CLEC16A: variants seen among roughly 807,000 people sequenced by gnomAD.
CLEC16A encodes the protein protein CLEC16A.
A neutral mutation model predicts 109.5 loss-of-function variants in CLEC16A; 51 were observed. The observed-to-expected ratio is 0.47, with a 90% confidence interval of 0.37 to 0.59. The LOEUF is 0.59. Among genes scored for constraint, CLEC16A ranks in the 20% least tolerant of loss-of-function variants. The probability of loss-of-function intolerance (pLI) is 0.00; values close to 1 mark genes in which losing one functional copy is unlikely to be tolerated. For missense variants in CLEC16A, 1,339 were observed against 1,394.0 expected (o/e 0.96, Z 0.63); for synonymous variants, 673 against 564.2 (o/e 1.19, Z -2.73).
chr16:11,140,577 A>G (rs2053777773), intron 22 of CLEC16A, among the ~76,000 whole-genome samples: 1 of 152,152 alleles, frequency 6.6e-6, no homozygotes, highest in South Asian at 2.1e-4. Context: ...CAAAGAACAA[A>G]TGCAGAATCT....
rs889743892 is a variant in CLEC16A, at chr16:10,954,778, C to T, written c.81-3004C>T. Among the ~76,000 whole-genome samples, 5 of 152,310 alleles carry T rather than the reference C, an allele frequency of 3.3e-5. No individual in the cohort carries two copies. In the South Asian group the frequency reaches 6.2e-4, roughly 19 times the overall value. On this transcript the variant is annotated intron_variant, in intron 1 of 23. Coordinates refer to ENST00000409790, the MANE Select transcript of CLEC16A (RefSeq NM_015226.3). The surrounding 1 kb of genome is among the most constrained non-coding windows in gnomAD (Gnocchi z 4.2). The stretch of plus-strand genomic sequence containing the variant: ...CTTTCTCTACTTCCTGCTCTGGTTT[C>T]GCTGAACCTTCCCATCACGACTCCT...
At chr16:11,008,885 G>A (rs1000785577) in intron 11 of CLEC16A, among the ~76,000 whole-genome samples, 3 of 150,646 alleles carry the variant, frequency 2.0e-5, no homozygotes, top group Non-Finnish European at 4.4e-5. Flanking sequence ...TGTAGTCCCA[G>A]CTACTCGGGA....
At chr16:11,012,518 C>G (rs1410341784) in intron 11 of CLEC16A, among the ~76,000 whole-genome samples, 2 of 145,334 alleles carry the variant, frequency 1.4e-5, no homozygotes, top group African/African-American at 5.2e-5. Flanking sequence ...TGGCGTGAAC[C>G]CGGGAGGCGG....
chr16:11,126,481 C>T, intron 22 of CLEC16A: 4 of 1,084,396 alleles, frequency 3.7e-6, no homozygotes, highest in Non-Finnish European at 5.1e-6. Flanking sequence ...TTTCCTTCTC[C>T]ATGTAAGATG....
Position 10,944,583 on chromosome 16 carries a change from G to T in CLEC16A, c.-135G>T. 1.2e-6 allele frequency: 1 copy of T among 838,468 alleles called. No homozygotes were observed. The highest frequency in any genetic ancestry group is 1.7e-5 in the South Asian group (1 of 59,962). 51.9% of individuals were successfully genotyped at this position (838,468 alleles called of 1,614,324 possible). ...AATGTCAGTGCTGGGCTGTGGGCCG[G>T]GGAGGAAGGCGGCTCGCGGTTCCTC... is the stretch of plus-strand genomic sequence containing the variant. On this transcript the variant is annotated 5_prime_UTR_variant, in exon 1 of 24. Transcript: ENST00000409790.
chr16:10,974,668 C>G (rs2042955061), intron 7 of CLEC16A, among the ~76,000 whole-genome samples: 1 of 152,192 alleles, frequency 6.6e-6, no homozygotes, highest in African/African-American at 2.4e-5. Context: ...AGAGGTGCAC[C>G]TAGATGGGGT....
chr16:11,103,019 C>T (rs1410405250), intron 19 of CLEC16A, among the ~76,000 whole-genome samples: 2 of 152,208 alleles, frequency 1.3e-5, no homozygotes, highest in African/African-American at 2.4e-5. Context: ...GCTGAACTGT[C>T]CCTGGAGGCT....
rs539023442 is a variant in CLEC16A, at chr16:11,090,436, T to C, written c.2116+29414T>C. ...ACCATGGACAACCCAGCTGGAGTTC[T>C]TCCATACCAGATGTCCTCAGGCAGC... is the stretch of plus-strand genomic sequence containing the variant. On this transcript the variant is annotated intron_variant, in intron 19 of 23. Transcript: ENST00000409790. Among the ~76,000 whole-genome samples, 54 of 152,298 alleles carry C rather than the reference T, an allele frequency of 3.5e-4. No homozygotes were observed. In the Middle Eastern group the frequency reaches 0.01, roughly 29 times the overall value.
intron 11 of CLEC16A, among the ~76,000 whole-genome samples, chr16:11,008,621 T>C (rs2045193008): frequency 1.3e-5 from 2 of 152,000 alleles, no homozygotes; most frequent in African/African-American, 2.4e-5. Flanking sequence ...TTTTTTTCCT[T>C]TTTTTAAACT....
At chr16:10,948,109 G>A (rs914603448) in intron 1 of CLEC16A, among the ~76,000 whole-genome samples, 23 of 152,214 alleles carry the variant, frequency 1.5e-4, no homozygotes, top group Admixed American at 4.6e-4. Flanking sequence ...TAGCCAGGAT[G>A]GTCTCGATCT....
intron 1 of CLEC16A, among the ~76,000 whole-genome samples, chr16:10,948,045 C>T (rs368184936): frequency 1.4e-4 from 21 of 152,068 alleles, no homozygotes; most frequent in Non-Finnish European, 2.1e-4. Context: ...AGGCGCCCGC[C>T]ACCACGCCCA....
intron 17 of CLEC16A, 197 bp downstream of exon 17, chr16:11,047,539 A>C: frequency 2.4e-6 from 1 of 420,420 alleles, no homozygotes; most frequent in Non-Finnish European, 4.2e-6. Flanking sequence ...TCTCCCTCTA[A>C]CATGGGAGGT....
At chr16:11,048,635 CT>C in intron 17 of CLEC16A, 1 of 152,324 alleles carries the variant, frequency 6.6e-6, no homozygotes, top group Non-Finnish European at 1.5e-5. Context: ...GCCGTGGAGC[CT>C]TTTCAGGGGA....
At chr16:11,051,843 C>T (rs1405740644) in intron 18 of CLEC16A, among the ~76,000 whole-genome samples, 2 of 152,216 alleles carry the variant, frequency 1.3e-5, no homozygotes, top group Non-Finnish European at 2.9e-5. Context: ...TTTGGCATTC[C>T]GTTGCATCTG....
intron 22 of CLEC16A, chr16:11,126,427 T>C (rs903356282): frequency 3.4e-5 from 47 of 1,397,468 alleles, no homozygotes; most frequent in Admixed American, 5.7e-5. Flanking sequence ...TGGAAATTTC[T>C]TGGAAACATT....
intron 12 of CLEC16A, among the ~76,000 whole-genome samples, chr16:11,021,477 C>A (rs1597082369): frequency 1.3e-5 from 2 of 152,286 alleles, no homozygotes; most frequent in South Asian, 2.1e-4. Flanking sequence ...TGGGATGTTG[C>A]TTAAGCAAAG....
chr16:11,105,245 G>T (rs1446989513), intron 19 of CLEC16A, among the ~76,000 whole-genome samples: 1 of 152,190 alleles, frequency 6.6e-6, no homozygotes, highest in Non-Finnish European at 1.5e-5. Flanking sequence ...TTGATAAGGG[G>T]ATATGCCAGA....
intron 22 of CLEC16A, among the ~76,000 whole-genome samples, chr16:11,134,538 A>T (rs1227771527): frequency 6.6e-6 from 1 of 152,168 alleles, no homozygotes; most frequent in African/African-American, 2.4e-5. Context: ...GCATTGGTGC[A>T]GGTTGAATAT....
rs1374645856 is a variant in CLEC16A, at chr16:10,985,258, G to T, written c.1071+2267G>T. 4.7e-5 allele frequency among the ~76,000 whole-genome samples: 7 copies of T among 149,762 alleles called. No homozygotes were observed. In the South Asian group the frequency reaches 1.5e-3, roughly 32 times the overall value. ...ATATAGTGCCCATCAAGTGCCTGCT[G>T]GGTTGCAAACTGGCCACCAGACTCA... is the stretch of plus-strand genomic sequence containing the variant. On this transcript the variant is annotated intron_variant, in intron 10 of 23. Coordinates refer to ENST00000409790, the MANE Select transcript of CLEC16A (RefSeq NM_015226.3).
Sources: allele counts gnomAD v4.1 joint callset (sites outside exome capture counted in the v4.1 genomes callset), GRCh38; gene constraint gnomAD v4.1.1; non-coding constraint Gnocchi (gnomAD v3.1); transcripts MANE v1.5; gene names NCBI Gene and HGNC (gene_info 2026-07-23, HGNC 2026-07-21).